The following SZRD1 variants were observed in gnomAD, a reference collection of about 807,000 sequenced individuals.
SZRD1 encodes the protein SUZ RNA binding domain containing 1.
A neutral mutation model predicts 17.6 loss-of-function variants in SZRD1; 7 were observed. That is an observed-to-expected ratio of 0.40 (90% CI 0.23 to 0.75). The LOEUF is 0.75. Ranked by LOEUF, SZRD1 falls within the 30% of genes least tolerant of loss-of-function variation. SZRD1 has a pLI of 0.38. For synonymous variants in SZRD1, 77 were observed against 77.9 expected (o/e 0.99, Z 0.06); for missense variants, 178 against 201.8 (o/e 0.88, Z 0.71).
chr1:16,383,713 G>C (rs551346600), intron 1 of SZRD1, among the ~76,000 whole-genome samples: 12 of 149,232 alleles, frequency 8.0e-5, no homozygotes, highest in African/African-American at 3.0e-4. Context: ...TCTGCCTCCT[G>C]GGTTCAAGCG....
Position 16,395,583 on chromosome 1 carries a change from G to C in SZRD1, c.*443G>C, listed in dbSNP as rs1463167285. 1 of 160,416 alleles carries C rather than the reference G, an allele frequency of 6.2e-6. No homozygotes were observed. The highest frequency in any genetic ancestry group is 1.4e-5 in the Non-Finnish European group (1 of 72,568). 9.9% of individuals were successfully genotyped at this position (160,416 alleles called of 1,614,324 possible). On this transcript the variant is annotated 3_prime_UTR_variant, in exon 4 of 4. Transcript: ENST00000401088. The stretch of plus-strand genomic sequence containing the variant: ...CATGTCTCCATCACTTAAAAAGTAA[G>C]TTCCATTTGAAAATATCCTTTCTTT...
At chr1:16,371,469 T>G (rs2082912604) in intron 1 of SZRD1, among the ~76,000 whole-genome samples, 1 of 140,486 alleles carries the variant, frequency 7.1e-6, no homozygotes. Flanking sequence ...TTCCCCTTTT[T>G]TTTTTTTCCC....
At chr1:16,380,212 C>T (rs1325370482) in intron 1 of SZRD1, among the ~76,000 whole-genome samples, 2 of 152,084 alleles carry the variant, frequency 1.3e-5, no homozygotes, top group African/African-American at 2.4e-5. Context: ...AGGTGGTGCG[C>T]GGCTGTATTC....
chr1:16,396,291 G>A lies in SZRD1; in HGVS notation c.*1151G>A, dbSNP rs948297972. The A allele has an allele frequency of 2.0e-5, 3 of 152,306 alleles. No homozygotes were observed. The highest frequency in any genetic ancestry group is 4.4e-5 in the Non-Finnish European group (3 of 68,134). 9.4% of individuals were successfully genotyped at this position (152,306 alleles called of 1,614,324 possible). ...CATCTCCATTGGTGGCCCCAGCTCA[G>A]TAACTATACCTGGTACATTTCCTGT... On this transcript the variant is annotated 3_prime_UTR_variant, in exon 4 of 4. Transcript: ENST00000401088.
chr1:16,372,937 G>C (rs187455202), intron 1 of SZRD1, among the ~76,000 whole-genome samples: 1 of 152,306 alleles, frequency 6.6e-6, no homozygotes, highest in Non-Finnish European at 1.5e-5. Context: ...GTCTTGTAAA[G>C]AAGACGATGC....
chr1:16,387,454 A>T, intron 1 of SZRD1: 1 of 450,848 alleles, frequency 2.2e-6, no homozygotes, highest in Non-Finnish European at 4.5e-6. Flanking sequence ...AAGTTGGAAA[A>T]TTCAGTGCAT....
chr1:16,388,715 T>C (rs1019520276), intron 1 of SZRD1, among the ~76,000 whole-genome samples: 1 of 143,936 alleles, frequency 6.9e-6, no homozygotes, highest in African/African-American at 2.6e-5. Flanking sequence ...AGACAGAGTC[T>C]TGCCCTGTCG....
intron 1 of SZRD1, among the ~76,000 whole-genome samples, chr1:16,386,273 C>T (rs2085118488): frequency 6.6e-6 from 1 of 152,240 alleles, no homozygotes; most frequent in Non-Finnish European, 1.5e-5. Context: ...CTTTGACTAG[C>T]GATGGAGGTC....
chr1:16,377,452 G>A (rs571404149), intron 1 of SZRD1, among the ~76,000 whole-genome samples: 2 of 151,702 alleles, frequency 1.3e-5, no homozygotes, highest in Admixed American at 1.3e-4. Flanking sequence ...GGACGTGGTC[G>A]TGTGCACCTG....
At chr1:16,384,984 T>C (rs545553118) in intron 1 of SZRD1, among the ~76,000 whole-genome samples, 45 of 152,312 alleles carry the variant, frequency 3.0e-4, no homozygotes, top group Non-Finnish European at 5.3e-4. Flanking sequence ...ATTGGAAATG[T>C]CATCTTCTGA....
At chr1:16,388,940 C>T (rs2085173667) in intron 1 of SZRD1, among the ~76,000 whole-genome samples, 1 of 151,896 alleles carries the variant, frequency 6.6e-6, no homozygotes, top group African/African-American at 2.4e-5. Context: ...AAGCCACTGT[C>T]ACTGTGCCTG....
chr1:16,389,276 T>C (rs28448306), intron 1 of SZRD1, among the ~76,000 whole-genome samples: 3,998 of 81,514 alleles, frequency 0.049, 255 homozygotes, highest in African/African-American at 0.14. Context: ...TGAGGGGGGG[T>C]GGGGGGGGGG....
chr1:16,378,687 C>T (rs921641533), intron 1 of SZRD1, among the ~76,000 whole-genome samples: 7 of 152,066 alleles, frequency 4.6e-5, no homozygotes, highest in African/African-American at 7.2e-5. Flanking sequence ...CTGACCTGGC[C>T]TGAGGTGTAG....
chr1:16,393,478 G>T lies in SZRD1; in HGVS notation c.352G>T (p.Asp118Tyr). ...GGAGGAGCAGGAGAAACCCATCCTCGACAGGTGAGTGTGGCTGGCAGGGCC... is the reference window on the plus strand; with the variant it reads ...GGAGGAGCAGGAGAAACCCATCCTCTACAGGTGAGTGTGGCTGGCAGGGCC... ...PEEEQEKPILDRPTRISQPED... is the reference protein window; with the variant it reads ...PEEEQEKPILYRPTRISQPED... Residue 118 changes from aspartate to tyrosine, a missense_variant, in exon 3 of 4, where the codon GAC (aspartate) becomes TAC (tyrosine). By Grantham distance (160) the Asp-to-Tyr change is radical. This residue lies in a region of SZRD1 where 57 missense variants were observed against 71.9 expected (regional missense o/e 0.79). Transcript: ENST00000401088. This position sits in a 1 kb window ranked among gnomAD's most constrained non-coding sequence, Gnocchi z 5.6. 1 of 1,609,454 alleles carries T rather than the reference G, an allele frequency of 6.2e-7. No homozygotes were observed. Among genetic ancestry groups the T allele is most frequent in the Non-Finnish European group, 8.5e-7 (1 of 1,178,312 alleles).
rs2082980298 is a variant in SZRD1 at position 16,375,240 on chromosome 1, G to A, written c.51+7932G>A. On this transcript the variant is annotated intron_variant, in intron 1 of 3. Transcript: ENST00000401088. ...ATCCTTCTCTTTAACATCTAGCTCT[G>A]TGCAGGATATTAAGGTAAAACCATG... is the stretch of plus-strand genomic sequence containing the variant. 2.0e-5 allele frequency among the ~76,000 whole-genome samples: 3 copies of A among 152,166 alleles called. No homozygotes were observed. In the East Asian group the frequency reaches 5.8e-4, roughly 29 times the overall value.
At chr1:16,367,508 C>T (rs12403865) in intron 1 of SZRD1, among the ~76,000 whole-genome samples, 200 bp downstream of exon 1, 1 of 152,230 alleles carries the variant, frequency 6.6e-6, no homozygotes, top group Admixed American at 6.5e-5. Context: ...TTTCCTTTGC[C>T]TGGTGCGCCT....
In SZRD1 at chr1:16,395,605, C is replaced by CTT. The variant is rs145874191; in HGVS notation, c.*474_*475dup. 1.2e-4 allele frequency: 18 copies of CTT among 156,510 alleles called. No individual in the cohort carries two copies. The highest frequency in any genetic ancestry group is 1.8e-4 in the Admixed American group (3 of 16,316). 9.7% of individuals were successfully genotyped at this position (156,510 alleles called of 1,614,324 possible). A position where few individuals can be genotyped will look rare whatever the true frequency, so the allele number is the denominator to read the frequency against. Reference sequence around the variant, plus strand: ...TAAGTTCCATTTGAAAATATCCTTTCTTTTTTTTTTCTTCCTATTTTTGTT... The same window carrying CTT: ...TAAGTTCCATTTGAAAATATCCTTTCTTTTTTTTTTTTCTTCCTATTTTTGTT... On this transcript the variant is annotated 3_prime_UTR_variant, in exon 4 of 4. Transcript: ENST00000401088.
intron 1 of SZRD1, among the ~76,000 whole-genome samples, chr1:16,381,107 A>G (rs1259616452): frequency 6.7e-6 from 1 of 148,714 alleles, no homozygotes; most frequent in Admixed American, 6.7e-5. Flanking sequence ...AAAAAAAACT[A>G]GCCAGGTGTG....
At chr1:16,372,245 G>T (rs1408875139) in intron 1 of SZRD1, among the ~76,000 whole-genome samples, 1 of 152,138 alleles carries the variant, frequency 6.6e-6, no homozygotes, top group African/African-American at 2.4e-5. Context: ...GGCTGAGGCG[G>T]GCAGATCACC....
Sources: gnomAD v4.1 joint callset for allele counts (sites outside exome capture counted in the v4.1 genomes callset) on GRCh38, gnomAD v4.1.1 for gene constraint, gnomAD v4.1.1 regional missense constraint, Gnocchi (gnomAD v3.1) non-coding constraint, MANE v1.5 for transcripts, NCBI Gene and HGNC (gene_info 2026-07-23, HGNC 2026-07-21) for gene names.